Variants in ACTN2 observed in about 807,000 individuals in gnomAD.
ACTN2 encodes actinin alpha 2.
A neutral mutation model predicts 113.8 loss-of-function variants in ACTN2; 39 were observed. That is an observed-to-expected ratio of 0.34 (90% CI 0.27 to 0.45). The LOEUF is 0.45. Ranked by LOEUF, ACTN2 falls within the 20% of genes least tolerant of loss-of-function variation. The probability of loss-of-function intolerance (pLI) is 1.00; values close to 1 mark genes in which losing one functional copy is unlikely to be tolerated. For missense variants in ACTN2, 992 were observed against 1,177.9 expected (o/e 0.84, Z 2.31); for synonymous variants, 429 against 444.1 (o/e 0.97, Z 0.43).
intron 1 of ACTN2, among the ~76,000 whole-genome samples, chr1:236,713,022 T>G (rs1345868734): frequency 6.6e-6 from 1 of 151,762 alleles, no homozygotes; most frequent in Non-Finnish European, 1.5e-5. Flanking sequence ...TCCTTTAAAG[T>G]AATTTTACTT....
intron 9 of ACTN2, 49 bp from the exon 10 acceptor site, chr1:236,739,253 G>A (rs374766166): frequency 2.5e-6 from 4 of 1,576,650 alleles, no homozygotes; most frequent in African/African-American, 2.7e-5. Context: ...TTAACTGGGG[G>A]AGGGGGCTTG....
chr1:236,699,306 A>G (rs1657606928), intron 1 of ACTN2, among the ~76,000 whole-genome samples: 1 of 152,152 alleles, frequency 6.6e-6, no homozygotes, highest in Non-Finnish European at 1.5e-5. Flanking sequence ...GCAACTGGGA[A>G]TGTCTGATAA....
chr1:236,713,254 T>A (rs1658098281), intron 1 of ACTN2, among the ~76,000 whole-genome samples: 1 of 151,138 alleles, frequency 6.6e-6, no homozygotes, highest in Admixed American at 6.6e-5. Flanking sequence ...TGAGACGGAG[T>A]TTCACTCCTG....
At chr1:236,744,493 A>G (rs1219714776) in intron 11 of ACTN2, 133 bp from the exon 12 acceptor site, 3 of 1,097,224 alleles carry the variant, frequency 2.7e-6, no homozygotes, top group Non-Finnish European at 4.1e-6. Context: ...CCTGGCCTGC[A>G]TCTTCAGTCC....
chr1:236,757,645 A>G lies in ACTN2; in HGVS notation c.2301+13A>G. The stretch of plus-strand genomic sequence containing the variant: ...CCACTTTGACAGGGTACCACTCTCT[A>G]CTTATTTGAAGGGCAATACTGGGGA... On this transcript the variant is annotated intron_variant, in intron 18 of 20. Transcript: ENST00000366578. 6.2e-7 allele frequency: 1 copy of G among 1,614,080 alleles called. No individual in the cohort carries two copies. Among genetic ancestry groups the G allele is most frequent in the Non-Finnish European group, 8.5e-7 (1 of 1,179,958 alleles).
At chr1:236,695,664 T>C (rs1657477560) in intron 1 of ACTN2, among the ~76,000 whole-genome samples, 1 of 151,424 alleles carries the variant, frequency 6.6e-6, no homozygotes, top group Non-Finnish European at 1.5e-5. Context: ...TGTTTTTGTA[T>C]AGAAAACATG....
chr1:236,718,849 A>G (rs147527370), intron 2 of ACTN2, 45 bp from the exon 3 acceptor site: 18 of 1,613,908 alleles, frequency 1.1e-5, no homozygotes, highest in Non-Finnish European at 1.4e-5. Context: ...CCGCATCAAG[A>G]GGTCACTGTC....
chr1:236,762,131 T>A (rs1237195977), intron 20 of ACTN2, among the ~76,000 whole-genome samples: 3 of 151,810 alleles, frequency 2.0e-5, no homozygotes, highest in Non-Finnish European at 4.4e-5. Context: ...CCCACTGAAC[T>A]TTTTTTTTAA....
At chr1:236,736,810 G>A (rs1658891743) in intron 8 of ACTN2, 3 of 642,080 alleles carry the variant, frequency 4.7e-6, no homozygotes, top group African/African-American at 3.7e-5. Context: ...TGGTTTCCTG[G>A]ACCCAAATAT....
intron 18 of ACTN2, among the ~76,000 whole-genome samples, chr1:236,758,325 CA>C (rs1659608036): frequency 7.3e-6 from 1 of 137,554 alleles, no homozygotes; most frequent in Non-Finnish European, 1.5e-5. Flanking sequence ...CTCGCTCTGT[CA>C]CCAGGCTGGA....
chr1:236,694,138 A>G (rs79115892), intron 1 of ACTN2, among the ~76,000 whole-genome samples: 88 of 151,748 alleles, frequency 5.8e-4, no homozygotes, highest in Non-Finnish European at 1.1e-3. Flanking sequence ...AACAAGGGCT[A>G]TGAGCAGTAG....
At position 236,735,644 on chromosome 1, in the gene ACTN2, A is replaced by T; in HGVS notation, c.707A>T (p.Asn236Ile). 5 of 1,614,008 alleles carry T rather than the reference A, an allele frequency of 3.1e-6. No individual in the cohort carries two copies. The highest frequency in any genetic ancestry group is 4.2e-6 in the Non-Finnish European group (5 of 1,179,960). ...PKMLDAEDIV[N>I]TPKPDERAIM... ...TTTTCTCCCCCTTCAGACATCGTGA[A>T]CACCCCTAAACCCGATGAAAGAGCC... Residue 236 changes from asparagine to isoleucine, a missense_variant, in exon 8 of 21, where the codon AAC becomes ATC. By Grantham distance (149) the Asn-to-Ile change is moderately radical. Around this residue, in one of 3 missense-constraint regions of ACTN2, gnomAD observed 220 missense variants for 337.5 expected, o/e 0.65. Coordinates refer to ENST00000366578, the MANE Select transcript of ACTN2 (RefSeq NM_001103.4).
At chr1:236,747,854 G>A (rs1310968849) in intron 13 of ACTN2, 79 bp downstream of exon 13, 1 of 1,135,942 alleles carries the variant, frequency 8.8e-7, no homozygotes, top group Non-Finnish European at 1.3e-6. Flanking sequence ...TTCATTGTGT[G>A]TTTCTCTGTG....
In ACTN2 at chr1:236,736,948, A is replaced by G; in HGVS notation, c.784-174A>G. The G allele has an allele frequency of 6.2e-6, 4 of 643,424 alleles. No homozygotes were observed. The South Asian group carries it at 6.8e-5, about 11-fold the overall frequency. 39.9% of individuals were successfully genotyped at this position (643,424 alleles called of 1,614,324 possible). On this transcript the variant is annotated intron_variant, in intron 8 of 20. Transcript: ENST00000366578. ...GTGAAAACTGTAACAAAGGTGTGAA[A>G]TGATTCATAGTACGCATAAGCCATG...
At chr1:236,704,723 C>G (rs2102874109) in intron 1 of ACTN2, among the ~76,000 whole-genome samples, 1 of 152,292 alleles carries the variant, frequency 6.6e-6, no homozygotes, top group South Asian at 2.1e-4. Flanking sequence ...CAGCAGGTCG[C>G]CCTCCAGGAA....
At chr1:236,726,382 C>T (rs922629435) in intron 5 of ACTN2, among the ~76,000 whole-genome samples, 1 of 152,118 alleles carries the variant, frequency 6.6e-6, no homozygotes, top group Non-Finnish European at 1.5e-5. Context: ...GCAGAGTCTG[C>T]GTACCCCCCA....
intron 1 of ACTN2, among the ~76,000 whole-genome samples, chr1:236,701,420 A>C (rs2102870363): frequency 6.6e-6 from 1 of 152,240 alleles, no homozygotes; most frequent in African/African-American, 2.4e-5. Flanking sequence ...GAATCTTTTA[A>C]TTCATAAATC....
chr1:236,706,400 C>T (rs1042157322), intron 1 of ACTN2, among the ~76,000 whole-genome samples: 1 of 152,130 alleles, frequency 6.6e-6, no homozygotes, highest in Non-Finnish European at 1.5e-5. Flanking sequence ...CTGTGTGTCA[C>T]TTTCACCAGC....
At chr1:236,721,034 T>G (rs1205567558) in intron 4 of ACTN2, among the ~76,000 whole-genome samples, 1 of 111,478 alleles carries the variant, frequency 9.0e-6, no homozygotes, top group Non-Finnish European at 1.9e-5. Flanking sequence ...TTTTTTTTTT[T>G]TTTTTTTTTT....
Sources: gnomAD v4.1 joint callset for allele counts (sites outside exome capture counted in the v4.1 genomes callset) on GRCh38, gnomAD v4.1.1 for gene constraint, gnomAD v4.1.1 regional missense constraint, MANE v1.5 for transcripts, NCBI Gene and HGNC (gene_info 2026-07-23, HGNC 2026-07-21) for gene names.